Variants in MSRA observed in about 807,000 individuals in gnomAD.
The protein encoded by MSRA is methionine sulfoxide reductase A.
MSRA carries 54 observed loss-of-function variants against 31.3 expected under a neutral mutation model. The ratio of observed to expected loss-of-function variants is 1.73; its 90% CI spans 1.39 to 2.17. MSRA has a LOEUF of 2.17. Among genes scored for constraint, MSRA ranks in the 30% most tolerant of loss-of-function variants. The pLI is 0.00. For synonymous variants in MSRA, 169 were observed against 116.5 expected (o/e 1.45, Z -2.90); for missense variants, 507 against 300.9 (o/e 1.69, Z -5.07).
intron 3 of MSRA, among the ~76,000 whole-genome samples, chr8:10,259,630 C>T (rs1184756716): frequency 6.6e-6 from 1 of 152,126 alleles, no homozygotes; most frequent in Non-Finnish European, 1.5e-5. Flanking sequence ...TTTGGGAAAG[C>T]TCAGAAAATA....
chr8:10,096,288 C>G (rs1167892846), intron 1 of MSRA: 16 of 1,138,144 alleles, frequency 1.4e-5, no homozygotes, highest in Non-Finnish European at 1.6e-5. Flanking sequence ...GCTGAAGACA[C>G]CAGACTTCGC....
intron 5 of MSRA, among the ~76,000 whole-genome samples, chr8:10,399,096 G>A (rs964521919): frequency 6.6e-6 from 1 of 152,226 alleles, no homozygotes; most frequent in Non-Finnish European, 1.5e-5. Context: ...TTTTCCAAAG[G>A]CTGCAAAACT....
At chr8:10,256,462 A>G (rs926781109) in intron 3 of MSRA, among the ~76,000 whole-genome samples, 1 of 152,192 alleles carries the variant, frequency 6.6e-6, no homozygotes. Context: ...TTCAGTAGAG[A>G]TTAATGCAAG....
intron 3 of MSRA, among the ~76,000 whole-genome samples, chr8:10,296,685 CTG>C (rs1334919375): frequency 2.6e-5 from 4 of 152,164 alleles, no homozygotes; most frequent in Non-Finnish European, 5.9e-5. Flanking sequence ...GGTGAAGAAA[CTG>C]TGCATAGAGT....
At chr8:10,274,904 C>T (rs766750369) in intron 3 of MSRA, among the ~76,000 whole-genome samples, 6 of 152,328 alleles carry the variant, frequency 3.9e-5, no homozygotes, top group Middle Eastern at 3.4e-3. Context: ...TCCATCCAAC[C>T]ATTCGTCTAT....
At chr8:10,390,752 G>A (rs1806690710) in intron 5 of MSRA, among the ~76,000 whole-genome samples, 1 of 152,088 alleles carries the variant, frequency 6.6e-6, no homozygotes, top group Non-Finnish European at 1.5e-5. Context: ...TTCCAAAGGC[G>A]AAGACATTAA....
intron 3 of MSRA, among the ~76,000 whole-genome samples, chr8:10,251,413 T>G (rs1797910137): frequency 6.6e-6 from 1 of 152,162 alleles, no homozygotes; most frequent in African/African-American, 2.4e-5. Flanking sequence ...AGTCTTATTG[T>G]ACTCATTTCA....
intron 1 of MSRA, among the ~76,000 whole-genome samples, chr8:10,196,141 T>C (rs1414626203): frequency 6.6e-6 from 1 of 152,264 alleles, no homozygotes; most frequent in East Asian, 1.9e-4. Context: ...AGGCATACGA[T>C]GTGCCTTCAA....
intron 1 of MSRA, among the ~76,000 whole-genome samples, chr8:10,072,840 C>G (rs576597740): frequency 2.6e-5 from 4 of 152,110 alleles, no homozygotes; most frequent in Non-Finnish European, 5.9e-5. Context: ...CTAACCTAAG[C>G]TTTTCATTTT....
intron 1 of MSRA, among the ~76,000 whole-genome samples, chr8:10,085,177 C>A (rs1798495751): frequency 6.6e-6 from 1 of 152,132 alleles, no homozygotes; most frequent in African/African-American, 2.4e-5. Flanking sequence ...CTCCTGTGGG[C>A]CTCTGTTTTA....
intron 1 of MSRA, among the ~76,000 whole-genome samples, chr8:10,185,074 C>G (rs1287152678): frequency 1.3e-5 from 2 of 152,172 alleles, no homozygotes; most frequent in African/African-American, 2.4e-5. Flanking sequence ...CCAACATTTA[C>G]CATGAAATCC....
chr8:10,399,401 C>T (rs867363974), intron 5 of MSRA, among the ~76,000 whole-genome samples: 5 of 152,316 alleles, frequency 3.3e-5, no homozygotes, highest in African/African-American at 9.6e-5. Flanking sequence ...GGACAGATCC[C>T]TCCTGAATGG....
At chr8:10,383,914 C>T (rs1317847144) in intron 5 of MSRA, among the ~76,000 whole-genome samples, 3 of 152,132 alleles carry the variant, frequency 2.0e-5, no homozygotes, top group African/African-American at 4.8e-5. Flanking sequence ...GAAGAACATC[C>T]AGGACATTCC....
At chr8:10,277,917 C>T (rs937209852) in intron 3 of MSRA, among the ~76,000 whole-genome samples, 3 of 152,072 alleles carry the variant, frequency 2.0e-5, no homozygotes, top group Non-Finnish European at 2.9e-5. Flanking sequence ...AGAAAAACAA[C>T]TCTTTACATA....
intron 5 of MSRA, among the ~76,000 whole-genome samples, chr8:10,419,231 G>A (rs1012231591): frequency 6.6e-6 from 1 of 152,110 alleles, no homozygotes; most frequent in African/African-American, 2.4e-5. Context: ...CAGAACACTC[G>A]GCATCCTGGG....
At chr8:10,291,465 C>A (rs183591165) in intron 3 of MSRA, among the ~76,000 whole-genome samples, 2 of 151,776 alleles carry the variant, frequency 1.3e-5, no homozygotes, top group Admixed American at 1.3e-4. Flanking sequence ...CTCCTCAAAT[C>A]CTATAATGAA....
chr8:10,094,496 T>C (rs778226828), intron 1 of MSRA, among the ~76,000 whole-genome samples: 19 of 152,208 alleles, frequency 1.2e-4, no homozygotes, highest in Non-Finnish European at 2.5e-4. Context: ...AAGCAAAGAA[T>C]AGGAAGTCAC....
At chr8:10,310,829 C>T (rs1397147625) in intron 4 of MSRA, among the ~76,000 whole-genome samples, 1 of 152,220 alleles carries the variant, frequency 6.6e-6, no homozygotes, top group Non-Finnish European at 1.5e-5. Context: ...AAGCAGAAAA[C>T]ATGACCCACT....
At chr8:10,228,592 G>A (rs1183602419) in intron 2 of MSRA, among the ~76,000 whole-genome samples, 1 of 152,200 alleles carries the variant, frequency 6.6e-6, no homozygotes, top group African/African-American at 2.4e-5. Flanking sequence ...GGCATCCGTA[G>A]TGGTCCACAG....
Sources: allele counts gnomAD v4.1 joint callset (sites outside exome capture counted in the v4.1 genomes callset), GRCh38; gene constraint gnomAD v4.1.1; transcripts MANE v1.5; gene names NCBI Gene and HGNC (gene_info 2026-07-23, HGNC 2026-07-21).